Variants in STIM2 observed in about 807,000 individuals in gnomAD.
STIM2 encodes stromal interaction molecule 2.
Under a neutral mutation model 85.8 loss-of-function variants are expected in STIM2, and 31 were observed. The ratio of observed to expected loss-of-function variants is 0.36; its 90% CI spans 0.27 to 0.49. The LOEUF (loss-of-function observed/expected upper bound fraction) is 0.49. STIM2 is among the 20% of genes least tolerant of loss of function. The probability of loss-of-function intolerance (pLI) is 0.98; values close to 1 mark genes in which losing one functional copy is unlikely to be tolerated. For missense variants in STIM2, 841 were observed against 927.6 expected (o/e 0.91, Z 1.21); for synonymous variants, 356 against 331.1 (o/e 1.08, Z -0.82).
At chr4:26,999,004 G>A (rs1300053329) in intron 4 of STIM2, among the ~76,000 whole-genome samples, 2 of 151,756 alleles carry the variant, frequency 1.3e-5, no homozygotes, top group African/African-American at 2.4e-5. Flanking sequence ...CTTTTTCAAT[G>A]TAGCTACTAA....
intron 1 of STIM2, among the ~76,000 whole-genome samples, chr4:26,907,073 GGAGTA>G (rs1346764521): frequency 6.6e-6 from 1 of 152,076 alleles, no homozygotes; most frequent in African/African-American, 2.4e-5. Flanking sequence ...CTGAGTTGTT[GGAGTA>G]AGTGCGGGTA....
chr4:26,960,375 GTATGTATATA>G (rs1184529899), intron 3 of STIM2, among the ~76,000 whole-genome samples: 3 of 151,860 alleles, frequency 2.0e-5, no homozygotes, highest in Non-Finnish European at 4.4e-5. Flanking sequence ...GTGTATGTGT[GTATGTATATA>G]TATGTATATA....
chr4:26,951,558 G>C (rs1190245582), intron 2 of STIM2, among the ~76,000 whole-genome samples: 3 of 152,020 alleles, frequency 2.0e-5, no homozygotes, highest in Admixed American at 6.6e-5. Flanking sequence ...ACTGTTGTTT[G>C]TATATTGTGT....
intron 10 of STIM2, among the ~76,000 whole-genome samples, chr4:27,012,167 T>C (rs1435726228): frequency 1.3e-5 from 2 of 152,098 alleles, no homozygotes; most frequent in African/African-American, 4.8e-5. Context: ...CTGGCCCTAT[T>C]CTGCTTTAGT....
At chr4:26,951,979 G>A (rs1016059886) in intron 2 of STIM2, among the ~76,000 whole-genome samples, 18 of 152,030 alleles carry the variant, frequency 1.2e-4, no homozygotes, top group Admixed American at 2.6e-4. Context: ...CTTACATGGC[G>A]GCAGCAAGAG....
At chr4:26,922,045 A>C (rs942493946) in intron 2 of STIM2, among the ~76,000 whole-genome samples, 36 of 152,194 alleles carry the variant, frequency 2.4e-4, no homozygotes, top group Non-Finnish European at 1.5e-5. Flanking sequence ...TTTGAACTGT[A>C]TATTCTGTTG....
chr4:26,936,855 A>G (rs1725410580), intron 2 of STIM2, among the ~76,000 whole-genome samples: 1 of 152,138 alleles, frequency 6.6e-6, no homozygotes, highest in African/African-American at 2.4e-5. Context: ...AGTGGCGTGA[A>G]CATGACTCAC....
At chr4:26,917,021 A>G (rs903052123) in intron 1 of STIM2, among the ~76,000 whole-genome samples, 3 of 152,230 alleles carry the variant, frequency 2.0e-5, no homozygotes, top group Admixed American at 6.5e-5. Context: ...TATATGAAGT[A>G]ACAGAATTTA....
intron 1 of STIM2, among the ~76,000 whole-genome samples, chr4:26,882,332 A>G (rs1723042313): frequency 6.6e-6 from 1 of 152,154 alleles, no homozygotes; most frequent in African/African-American, 2.4e-5. Context: ...AGTTGTTGCT[A>G]ATTTTTTTTC....
At chr4:27,010,981 C>G (rs1728535720) in intron 10 of STIM2, among the ~76,000 whole-genome samples, 1 of 152,120 alleles carries the variant, frequency 6.6e-6, no homozygotes, top group South Asian at 2.1e-4. Context: ...TCCTATAAAG[C>G]CATCCACACA....
intron 2 of STIM2, among the ~76,000 whole-genome samples, chr4:26,943,644 C>A (rs778947955): frequency 2.5e-4 from 38 of 152,036 alleles, no homozygotes; most frequent in Non-Finnish European, 2.9e-5. Flanking sequence ...ATCTGATAGA[C>A]CCCAATCCAA....
chr4:26,998,780 C>T (rs967387623), intron 4 of STIM2, among the ~76,000 whole-genome samples: 2 of 151,766 alleles, frequency 1.3e-5, no homozygotes, highest in Admixed American at 6.6e-5. Context: ...GGCGTGGTGG[C>T]ACGTGCCTGT....
At chr4:27,020,954 G>T in intron 11 of STIM2, 1 of 1,512,878 alleles carries the variant, frequency 6.6e-7, no homozygotes, top group Non-Finnish European at 8.9e-7. Context: ...TTTTTACCTT[G>T]ACTCTCCCTT....
intron 3 of STIM2, among the ~76,000 whole-genome samples, chr4:26,963,384 C>T (rs1229695376): frequency 6.6e-6 from 1 of 151,922 alleles, no homozygotes; most frequent in African/African-American, 2.4e-5. Flanking sequence ...TGCAATGAGA[C>T]TAGAATAAAA....
chr4:26,917,936 G>A (rs990670677), intron 1 of STIM2, among the ~76,000 whole-genome samples: 4 of 152,118 alleles, frequency 2.6e-5, no homozygotes, highest in Admixed American at 2.6e-4. Context: ...GCACATCAGG[G>A]TCTTGATTGT....
Position 27,002,917 on chromosome 4 carries a change from G to T in STIM2, c.804-10G>T, listed in dbSNP as rs1376948659. 19 of 1,521,980 alleles carry T rather than the reference G, an allele frequency of 1.2e-5. No homozygotes were observed. The highest frequency in any genetic ancestry group is 1.7e-5 in the Non-Finnish European group (19 of 1,143,844). The allele number at this position is 1,521,980 out of a possible 1,614,324, so 94.3% of individuals were successfully genotyped here. A position where few individuals can be genotyped will look rare whatever the true frequency, so the allele number is the denominator to read the frequency against. ...TTTGTGAGGAATTTTTATTTTTATTGTTCTATAAGGCTTGAAAAGGCACAG... is the reference window on the plus strand; with the variant it reads ...TTTGTGAGGAATTTTTATTTTTATTTTTCTATAAGGCTTGAAAAGGCACAG... On this transcript the variant is annotated splice_polypyrimidine_tract_variant and intron_variant, in intron 6 of 11. Coordinates refer to ENST00000467087, the MANE Select transcript of STIM2 (RefSeq NM_020860.4).
intron 3 of STIM2, among the ~76,000 whole-genome samples, chr4:26,961,170 A>C (rs1691555981): frequency 6.6e-6 from 1 of 152,194 alleles, no homozygotes; most frequent in African/African-American, 2.4e-5. Context: ...GTTGCTAAAA[A>C]ATGAAGACAA....
intron 10 of STIM2, 131 bp from the exon 11 acceptor site, chr4:27,017,580 A>T: frequency 1.8e-6 from 2 of 1,138,688 alleles, no homozygotes; most frequent in Non-Finnish European, 2.6e-6. Context: ...ATAACTGTAC[A>T]GTAACTTCAG....
intron 10 of STIM2, among the ~76,000 whole-genome samples, chr4:27,017,388 C>G (rs1174488440): frequency 6.6e-6 from 1 of 152,144 alleles, no homozygotes; most frequent in African/African-American, 2.4e-5. Context: ...ATTTGTGATA[C>G]AATACAGGTT....
Sources: allele counts gnomAD v4.1 joint callset (sites outside exome capture counted in the v4.1 genomes callset), GRCh38; gene constraint gnomAD v4.1.1; transcripts MANE v1.5; gene names NCBI Gene and HGNC (gene_info 2026-07-23, HGNC 2026-07-21).